Variants in PLEKHS1 observed in about 807,000 individuals in gnomAD.
The protein encoded by PLEKHS1 is pleckstrin homology domain-containing family S member 1.
In PLEKHS1, 55 loss-of-function variants were observed where a neutral mutation model predicts 51.0. The observed-to-expected ratio is 1.08, with a 90% CI of 0.87 to 1.35. The LOEUF (loss-of-function observed/expected upper bound fraction) is 1.35, where lower values mean the gene tolerates loss of function less well. Among genes scored for constraint, PLEKHS1 ranks in the 40% most tolerant of loss-of-function variants. PLEKHS1 has a pLI of 0.00. For synonymous variants in PLEKHS1, 153 were observed against 144.8 expected (o/e 1.06, Z -0.41); for missense variants, 398 against 423.0 (o/e 0.94, Z 0.52).
intron 5 of PLEKHS1, among the ~76,000 whole-genome samples, chr10:113,768,026 T>C (rs1334254211): frequency 2.6e-5 from 4 of 152,186 alleles, no homozygotes; most frequent in African/African-American, 7.2e-5. Flanking sequence ...TTCTGAAGTA[T>C]TGGGATACGG....
intron 9 of PLEKHS1, 148 bp downstream of exon 9, chr10:113,774,481 A>G: frequency 1.6e-6 from 1 of 608,398 alleles, no homozygotes. Flanking sequence ...CTCAACACAC[A>G]AAAAATGAGG....
At chr10:113,752,297 C>T (rs147857949) in intron 1 of PLEKHS1, among the ~76,000 whole-genome samples, 1,831 of 152,086 alleles carry the variant, frequency 0.012, 41 homozygotes, top group African/African-American at 0.042. Context: ...CTTTAGAGTA[C>T]GGTTATGAGG....
intron 11 of PLEKHS1, among the ~76,000 whole-genome samples, chr10:113,778,789 G>T (rs1018748134): frequency 2.6e-5 from 4 of 152,038 alleles, no homozygotes; most frequent in African/African-American, 4.8e-5. Context: ...GACTACAGGC[G>T]CCGGCCACTA....
chr10:113,755,300 G>A (rs748472338), exon 2 of PLEKHS1: 2 of 1,608,700 alleles, frequency 1.2e-6, no homozygotes, highest in Admixed American at 3.4e-5. Flanking sequence ...CCTCAGAAGA[G>A]TCCAGGTACC....
At chr10:113,755,020 T>TC (rs1564814626) in intron 1 of PLEKHS1, among the ~76,000 whole-genome samples, 1 of 152,062 alleles carries the variant, frequency 6.6e-6, no homozygotes, top group Non-Finnish European at 1.5e-5. Context: ...CAACAACACC[T>TC]CCGCAGAACC....
chr10:113,766,767 C>A, intron 4 of PLEKHS1, 49 bp downstream of exon 4: 1 of 1,336,850 alleles, frequency 7.5e-7, no homozygotes, highest in East Asian at 2.3e-5. Flanking sequence ...ACTATAAAGT[C>A]AAACAGTAAC....
intron 6 of PLEKHS1, 128 bp from the exon 7 acceptor site, chr10:113,769,656 A>C (rs1844310215): frequency 1.4e-6 from 1 of 690,934 alleles, no homozygotes; most frequent in South Asian, 1.7e-5. Context: ...TAATGCTGGC[A>C]GGCCAGCGGC....
chr10:113,768,895 C>A lies in PLEKHS1; in HGVS notation c.435+5C>A. On this transcript the variant is annotated splice_donor_5th_base_variant and intron_variant, in intron 6 of 11. Coordinates refer to ENST00000361048, the Ensembl canonical transcript of PLEKHS1. ...GCAACACAGCAGAACACAGAGGTGA[C>A]TCCATATCACTAATAAAATAACAGG... The A allele has an allele frequency of 6.2e-7, 1 of 1,603,312 alleles. No homozygotes were observed. The highest frequency in any genetic ancestry group is 8.5e-7 in the Non-Finnish European group (1 of 1,175,296).
rs72837404 is a variant in PLEKHS1 at position 113,781,122 on chromosome 10, A to G, written c.*520A>G. On this transcript the variant is annotated 3_prime_UTR_variant, in exon 12 of 12. Coordinates refer to ENST00000361048, the Ensembl canonical transcript of PLEKHS1. Reference sequence around the variant, plus strand: ...ATTCCTTCTTTGTTAAGGGACATACAGTTGCAAATACTCACTGCATGAAGG... The same window carrying G: ...ATTCCTTCTTTGTTAAGGGACATACGGTTGCAAATACTCACTGCATGAAGG... The G allele has an allele frequency of 4.9e-3, 1,296 of 264,600 alleles. 8 individuals are homozygous for G. Among genetic ancestry groups the G allele is most frequent in the Non-Finnish European group, 6.3e-3 (865 of 136,790 alleles). The allele number at this position is 264,600 out of a possible 1,614,324, so 16.4% of individuals were successfully genotyped here.
chr10:113,773,444 A>ATAAATAAATAAATAAATAAG (rs1461103367), intron 8 of PLEKHS1, among the ~76,000 whole-genome samples: 24 of 152,202 alleles, frequency 1.6e-4, no homozygotes, highest in African/African-American at 5.8e-4. Flanking sequence ...AAATAAATAA[A>ATAAATAAATAAATAAATAAG]TAAGTAAAAA....
chr10:113,764,559 T>C (rs1274450662), intron 2 of PLEKHS1, among the ~76,000 whole-genome samples: 2 of 152,250 alleles, frequency 1.3e-5, no homozygotes, highest in African/African-American at 4.8e-5. Flanking sequence ...AATTGAGTTA[T>C]GACATGCCTT....
At chr10:113,754,526 G>C (rs1037904978) in intron 1 of PLEKHS1, among the ~76,000 whole-genome samples, 50 of 152,280 alleles carry the variant, frequency 3.3e-4, no homozygotes, top group African/African-American at 1.2e-3. Flanking sequence ...AGGCTGGAGT[G>C]CAGTGGAGTG....
Position 113,766,619 on chromosome 10 carries a change from G to A in PLEKHS1, c.125G>A (p.Trp42Ter), listed in dbSNP as rs746227928. ...AATCTTTTTATTTTTCAGACCTCTTGGAAAAAGCGGTTTTTCATCCTGTCA... is the reference window on the plus strand; with the variant it reads ...AATCTTTTTATTTTTCAGACCTCTTAGAAAAAGCGGTTTTTCATCCTGTCA... Residue 42 changes from tryptophan to a stop codon, truncating the protein, a stop_gained, in exon 4 of 12, where the codon TGG becomes TAG. Transcript: ENST00000361048. LOFTEE classifies it high-confidence loss of function. 1 of 1,606,324 alleles carries A rather than the reference G, an allele frequency of 6.2e-7. No individual in the cohort carries two copies. The highest frequency in any genetic ancestry group is 1.7e-5 in the Admixed American group (1 of 57,868).
At chr10:113,773,509 A>G (rs1844510879) in intron 8 of PLEKHS1, among the ~76,000 whole-genome samples, 1 of 152,214 alleles carries the variant, frequency 6.6e-6, no homozygotes, top group Non-Finnish European at 1.5e-5. Context: ...TGAGGTGATC[A>G]GAGTGGGCTG....
intron 2 of PLEKHS1, among the ~76,000 whole-genome samples, chr10:113,763,442 A>C (rs958792963): frequency 6.6e-6 from 1 of 152,156 alleles, no homozygotes. Flanking sequence ...GTTTAACATA[A>C]TTACTGATAT....
At chr10:113,774,804 G>A (rs761885066) in intron 9 of PLEKHS1, 22 bp from the exon 10 acceptor site, 1 of 1,601,636 alleles carries the variant, frequency 6.2e-7, no homozygotes, top group South Asian at 1.1e-5. Context: ...AATAGGGCTT[G>A]TTTTAACTTC....
chr10:113,762,935 T>G (rs981211697), intron 2 of PLEKHS1, among the ~76,000 whole-genome samples: 1 of 152,076 alleles, frequency 6.6e-6, no homozygotes, highest in African/African-American at 2.4e-5. Flanking sequence ...TTACTCTTCT[T>G]GAATGAAAAC....
exon 11 of PLEKHS1, chr10:113,775,834 T>C (rs759814607): frequency 3.7e-6 from 6 of 1,613,032 alleles, no homozygotes; most frequent in Non-Finnish European, 5.1e-6. Context: ...TCATCAACTA[T>C]CTTGCTCTCA....
chr10:113,759,501 A>G (rs1843822165), intron 2 of PLEKHS1, among the ~76,000 whole-genome samples: 2 of 152,206 alleles, frequency 1.3e-5, no homozygotes, highest in Non-Finnish European at 2.9e-5. Flanking sequence ...GTTTGTATTT[A>G]TTAGAGTTTA....
Sources: gnomAD v4.1 joint callset for allele counts (sites outside exome capture counted in the v4.1 genomes callset) on GRCh38, gnomAD v4.1.1 for gene constraint, MANE v1.5 for transcripts, NCBI Gene and HGNC (gene_info 2026-07-23, HGNC 2026-07-21) for gene names.